AGMO: variants seen among roughly 807,000 people sequenced by gnomAD.
AGMO encodes the protein alkylglycerol monooxygenase, also known as glyceryl-ether monooxygenase.
AGMO carries 75 observed loss-of-function variants against 60.2 expected under a neutral mutation model. The ratio of observed to expected loss-of-function variants is 1.25; its 90% CI spans 1.03 to 1.51. The LOEUF is 1.51. Among genes scored for constraint, AGMO ranks in the 40% most tolerant of loss-of-function variants. The pLI, the probability that AGMO is intolerant of heterozygous loss-of-function variation, is 0.00. For synonymous variants in AGMO, 261 were observed against 177.1 expected (o/e 1.47, Z -3.76); for missense variants, 763 against 525.5 (o/e 1.45, Z -4.42).
intron 3 of AGMO, among the ~76,000 whole-genome samples, chr7:15,484,226 C>A (rs12537092): frequency 0.54 from 81,883 of 151,862 alleles, 24,903 homozygotes; most frequent in East Asian, 0.96. Context: ...GAAGTAGAGG[C>A]AGAGTAAAGA....
chr7:15,328,370 T>C (rs1781407978), intron 12 of AGMO, among the ~76,000 whole-genome samples: 1 of 152,182 alleles, frequency 6.6e-6, no homozygotes, highest in Non-Finnish European at 1.5e-5. Context: ...GTGCTGGGAT[T>C]ACAGGCGTGA....
intron 3 of AGMO, among the ~76,000 whole-genome samples, chr7:15,524,409 G>A (rs980085853): frequency 2.0e-5 from 3 of 152,062 alleles, no homozygotes; most frequent in Non-Finnish European, 4.4e-5. Flanking sequence ...GAAATGTTTG[G>A]TGGAACTAAG....
At chr7:15,448,311 C>G (rs369371626) in intron 3 of AGMO, among the ~76,000 whole-genome samples, 7 of 152,200 alleles carry the variant, frequency 4.6e-5, no homozygotes, top group South Asian at 2.1e-4. Flanking sequence ...AAAGAGACTC[C>G]AAAGAGATCC....
chr7:15,486,094 T>C (rs968390958), intron 3 of AGMO, among the ~76,000 whole-genome samples: 7 of 152,160 alleles, frequency 4.6e-5, no homozygotes, highest in African/African-American at 9.7e-5. Flanking sequence ...AGCCCATGTA[T>C]TGGATCATTG....
intron 5 of AGMO, chr7:15,396,736 A>C (rs1784405761): frequency 6.6e-6 from 1 of 151,212 alleles, no homozygotes; most frequent in African/African-American, 2.5e-5. Flanking sequence ...CTTTACAGAG[A>C]GCTGATTGGT....
At chr7:15,321,685 G>A (rs760326280) in intron 12 of AGMO, among the ~76,000 whole-genome samples, 5 of 151,418 alleles carry the variant, frequency 3.3e-5, no homozygotes, top group Admixed American at 1.3e-4. Context: ...CGACTTCTAC[G>A]GAACAAAAAT....
intron 12 of AGMO, among the ~76,000 whole-genome samples, chr7:15,299,886 C>CACA (rs774065679): frequency 1.8e-4 from 21 of 114,574 alleles, no homozygotes; most frequent in African/African-American, 3.8e-4. Context: ...CACACACACA[C>CACA]AGTATGTTTT....
At chr7:15,453,017 G>T (rs1447597685) in intron 3 of AGMO, among the ~76,000 whole-genome samples, 1 of 152,074 alleles carries the variant, frequency 6.6e-6, no homozygotes, top group Non-Finnish European at 1.5e-5. Context: ...ATTCAAAATA[G>T]GCAACTCCAC....
chr7:15,168,668 A>T, the AGMO span, among the ~76,000 whole-genome samples: 2 of 152,332 alleles, frequency 1.3e-5, no homozygotes, highest in Non-Finnish European at 2.9e-5. Context: ...AGGCATTTTC[A>T]TGAGACAATA....
At chr7:15,499,080 A>G (rs1246751802) in intron 3 of AGMO, among the ~76,000 whole-genome samples, 1 of 151,856 alleles carries the variant, frequency 6.6e-6, no homozygotes, top group African/African-American at 2.4e-5. Context: ...CCAAGTTATG[A>G]TTCCTAGATC....
chr7:15,272,883 C>G (rs1783659761), intron 12 of AGMO, among the ~76,000 whole-genome samples: 1 of 152,102 alleles, frequency 6.6e-6, no homozygotes, highest in South Asian at 2.1e-4. Context: ...TCTCTGATGG[C>G]CAGTGATGAT....
intron 12 of AGMO, chr7:15,306,205 G>A: frequency 4.5e-6 from 1 of 220,308 alleles, no homozygotes. Flanking sequence ...ACTTTGACAT[G>A]CACTGACATT....
intron 3 of AGMO, among the ~76,000 whole-genome samples, chr7:15,460,160 G>T (rs1024618344): frequency 2.1e-5 from 3 of 145,542 alleles, no homozygotes; most frequent in East Asian, 4.0e-4. Context: ...AGGCCGGAGT[G>T]CAGTGGCGTG....
intron 12 of AGMO, among the ~76,000 whole-genome samples, chr7:15,249,061 G>A (rs1782852513): frequency 6.6e-6 from 1 of 152,144 alleles, no homozygotes; most frequent in African/African-American, 2.4e-5. Context: ...ACTATGTAGG[G>A]TTGGCCAGGA....
chr7:15,534,419 TA>T (rs1784437320), intron 3 of AGMO, among the ~76,000 whole-genome samples: 1 of 152,016 alleles, frequency 6.6e-6, no homozygotes, highest in South Asian at 2.1e-4. Flanking sequence ...AATTCCATGA[TA>T]TTCACTTGGG....
chr7:15,376,165 T>C (rs568666888), intron 10 of AGMO, among the ~76,000 whole-genome samples: 37 of 152,208 alleles, frequency 2.4e-4, no homozygotes, highest in African/African-American at 8.9e-4. Flanking sequence ...TTATAATTGA[T>C]GCTCATTTTG....
intron 5 of AGMO, among the ~76,000 whole-genome samples, chr7:15,405,105 A>C (rs1784652745): frequency 6.6e-6 from 1 of 151,844 alleles, no homozygotes; most frequent in Non-Finnish European, 1.5e-5. Flanking sequence ...TTACTAAAGC[A>C]TATCCTTTCC....
downstream of AGMO, among the ~76,000 whole-genome samples, chr7:15,197,842 T>C (rs1260181561): frequency 2.6e-5 from 4 of 152,218 alleles, no homozygotes; most frequent in Non-Finnish European, 5.9e-5. Flanking sequence ...GCTTGCCTTA[T>C]TCAGATGTCT....
chr7:15,385,866 C>T (rs996966280), intron 9 of AGMO, among the ~76,000 whole-genome samples: 3 of 152,048 alleles, frequency 2.0e-5, no homozygotes, highest in South Asian at 2.1e-4. Flanking sequence ...TCACATCTGG[C>T]GGCAAAAGCA....
Sources: gnomAD v4.1 joint callset for allele counts (sites outside exome capture counted in the v4.1 genomes callset) on GRCh38, gnomAD v4.1.1 for gene constraint, MANE v1.5 for transcripts, NCBI Gene and HGNC (gene_info 2026-07-23, HGNC 2026-07-21) for gene names.